Variants in SPON1 observed in about 807,000 individuals in gnomAD.
The protein encoded by SPON1 is spondin-1.
A neutral mutation model predicts 111.7 loss-of-function variants in SPON1; 52 were observed. The observed-to-expected ratio is 0.47, with a 90% CI of 0.37 to 0.59. SPON1 has a LOEUF of 0.59. Ranked by LOEUF, SPON1 falls within the 20% of genes least tolerant of loss-of-function variation. The pLI is 0.00. For missense variants in SPON1, 957 were observed against 1,068.5 expected (o/e 0.90, Z 1.46); for synonymous variants, 410 against 395.8 (o/e 1.04, Z -0.43).
At chr11:14,205,197 T>C (rs1554936065) in intron 6 of SPON1, among the ~76,000 whole-genome samples, 1 of 152,254 alleles carries the variant, frequency 6.6e-6, no homozygotes, top group East Asian at 1.9e-4. Flanking sequence ...AGTACTACCA[T>C]TCCTGCTTAG....
At chr11:14,102,588 G>A (rs1003286453) in intron 5 of SPON1, among the ~76,000 whole-genome samples, 1 of 152,176 alleles carries the variant, frequency 6.6e-6, no homozygotes, top group Non-Finnish European at 1.5e-5. Flanking sequence ...TCTGGTTCAA[G>A]ATCCAGTCTA....
chr11:13,989,413 A>G (rs1848210277), intron 2 of SPON1, among the ~76,000 whole-genome samples: 1 of 151,992 alleles, frequency 6.6e-6, no homozygotes, highest in African/African-American at 2.4e-5. Flanking sequence ...ATCATTTTTT[A>G]TTGCATCTAT....
At chr11:13,993,007 T>G (rs1848243238) in intron 2 of SPON1, among the ~76,000 whole-genome samples, 1 of 152,166 alleles carries the variant, frequency 6.6e-6, no homozygotes, top group Non-Finnish European at 1.5e-5. Flanking sequence ...TCAGCCATCT[T>G]GCCAGCCTCC....
intron 6 of SPON1, among the ~76,000 whole-genome samples, chr11:14,174,388 A>T (rs569317776): frequency 1.3e-5 from 2 of 152,348 alleles, no homozygotes; most frequent in African/African-American, 4.8e-5. Context: ...GCCATCCCTT[A>T]AAGTGTATTT....
chr11:14,137,317 T>C (rs1564913143), intron 6 of SPON1, among the ~76,000 whole-genome samples: 1 of 152,184 alleles, frequency 6.6e-6, no homozygotes, highest in Non-Finnish European at 1.5e-5. Context: ...ATGTTCCTAA[T>C]CAGCATGGCT....
rs868926773 is a variant in SPON1, at chr11:14,160,717, A to T, written c.825+25149A>T. Among the ~76,000 whole-genome samples, 7 of 14,652 alleles carry T rather than the reference A, an allele frequency of 4.8e-4. 1 individual carries two copies. The highest frequency in any genetic ancestry group is 1.1e-3 in the African/African-American group (2 of 1,842). 9.6% of individuals were successfully genotyped at this position (14,652 alleles called of 152,430 possible). On this transcript the variant is annotated intron_variant, in intron 6 of 15. Transcript: ENST00000576479. Reference sequence around the variant, plus strand: ...TATATATTTATATATATTTATATATATTTATATATTTATATATATTTAATT... The same window carrying T: ...TATATATTTATATATATTTATATATTTTTATATATTTATATATATTTAATT...
chr11:14,096,863 C>A (rs1356745950), intron 5 of SPON1, among the ~76,000 whole-genome samples: 3 of 152,138 alleles, frequency 2.0e-5, no homozygotes, highest in Admixed American at 2.0e-4. Context: ...GAAATTGATT[C>A]TTAGACTCTG....
At chr11:13,982,456 C>G (rs1848151742) in intron 1 of SPON1, among the ~76,000 whole-genome samples, 1 of 152,212 alleles carries the variant, frequency 6.6e-6, no homozygotes, top group South Asian at 2.1e-4. Context: ...CAAAGGTCAT[C>G]CTACAGGATT....
At chr11:14,173,786 G>T (rs528645906) in intron 6 of SPON1, among the ~76,000 whole-genome samples, 5 of 152,352 alleles carry the variant, frequency 3.3e-5, no homozygotes, top group Admixed American at 3.3e-4. Flanking sequence ...GGTGTCAGCA[G>T]TGGTGGCTGC....
chr11:14,201,915 C>G (rs2133897155), intron 6 of SPON1, among the ~76,000 whole-genome samples: 1 of 152,146 alleles, frequency 6.6e-6, no homozygotes, highest in East Asian at 1.9e-4. Context: ...ATGGAGAAGT[C>G]ATTTTTTTTC....
At chr11:14,211,724 A>T (rs1395036705) in intron 6 of SPON1, among the ~76,000 whole-genome samples, 2 of 152,212 alleles carry the variant, frequency 1.3e-5, no homozygotes, top group Admixed American at 6.5e-5. Flanking sequence ...CATGGTGTAT[A>T]GTAATATATT....
chr11:14,048,912 G>C (rs1528639), intron 3 of SPON1, among the ~76,000 whole-genome samples: 59,795 of 152,066 alleles, frequency 0.39, 12,991 homozygotes, highest in South Asian at 0.57. Context: ...TCCGTCTCCT[G>C]AGAACACACT....
intron 6 of SPON1, among the ~76,000 whole-genome samples, chr11:14,214,815 C>T (rs1336945478): frequency 6.6e-6 from 1 of 152,174 alleles, no homozygotes; most frequent in Non-Finnish European, 1.5e-5. Context: ...ACTCCTCTTG[C>T]CCCTGTAACA....
At chr11:14,085,157 C>T (rs1848996277) in intron 5 of SPON1, among the ~76,000 whole-genome samples, 1 of 152,166 alleles carries the variant, frequency 6.6e-6, no homozygotes, top group Non-Finnish European at 1.5e-5. Context: ...AGTAAGATCC[C>T]ATTTGTCAAT....
chr11:14,077,122 A>T (rs967085532), intron 4 of SPON1, among the ~76,000 whole-genome samples: 4 of 152,332 alleles, frequency 2.6e-5, no homozygotes, highest in Admixed American at 2.0e-4. Flanking sequence ...AAGTCTTCAC[A>T]TAACATCAGG....
At chr11:14,106,691 C>G (rs782072304) in intron 5 of SPON1, among the ~76,000 whole-genome samples, 1 of 152,120 alleles carries the variant, frequency 6.6e-6, no homozygotes, top group Non-Finnish European at 1.5e-5. Flanking sequence ...TATAGGAAAT[C>G]GCAGCATAGG....
intron 2 of SPON1, among the ~76,000 whole-genome samples, chr11:14,028,660 T>C (rs1185657105): frequency 1.3e-5 from 2 of 152,118 alleles, no homozygotes; most frequent in Non-Finnish European, 2.9e-5. Flanking sequence ...TCTCTGATTG[T>C]CACTTCAATG....
chr11:14,005,058 T>C (rs1848348533), intron 2 of SPON1, among the ~76,000 whole-genome samples: 1 of 152,212 alleles, frequency 6.6e-6, no homozygotes, highest in Non-Finnish European at 1.5e-5. Flanking sequence ...TCCTTTGCTG[T>C]GAAGAAGGTT....
intron 6 of SPON1, among the ~76,000 whole-genome samples, chr11:14,174,874 C>T (rs112058811): frequency 5.9e-5 from 9 of 152,282 alleles, no homozygotes; most frequent in African/African-American, 2.2e-4. Flanking sequence ...CTGACTTTAT[C>T]CATGCCAAGT....
Sources: gnomAD v4.1 joint callset for allele counts (sites outside exome capture counted in the v4.1 genomes callset) on GRCh38, gnomAD v4.1.1 for gene constraint, MANE v1.5 for transcripts, NCBI Gene and HGNC (gene_info 2026-07-23, HGNC 2026-07-21) for gene names.